Variants in RAB11FIP1 observed in about 807,000 individuals in gnomAD.
The protein encoded by RAB11FIP1 is RAB11 family interacting protein 1, also known as rab11 family-interacting protein 1.
RAB11FIP1 carries 49 observed loss-of-function variants against 83.1 expected under a neutral mutation model. The observed-to-expected ratio is 0.59, with a 90% CI of 0.47 to 0.75. The LOEUF (loss-of-function observed/expected upper bound fraction) is 0.75. RAB11FIP1 is among the 30% of genes least tolerant of loss of function. The pLI is 0.00. For missense variants in RAB11FIP1, 1,536 were observed against 1,598.7 expected (o/e 0.96, Z 0.67); for synonymous variants, 670 against 656.0 (o/e 1.02, Z -0.33).
chr8:37,878,670 T>A (rs1806671604), intron 1 of RAB11FIP1, among the ~76,000 whole-genome samples: 2 of 122,344 alleles, frequency 1.6e-5, no homozygotes, highest in African/African-American at 3.1e-5. Flanking sequence ...AGTAAAAAAA[T>A]AATAATAATA....
chr8:37,882,670 C>T (rs1165680846), intron 1 of RAB11FIP1, among the ~76,000 whole-genome samples: 1 of 152,170 alleles, frequency 6.6e-6, no homozygotes, highest in Non-Finnish European at 1.5e-5. Flanking sequence ...CAGACTTGCC[C>T]TGAATTCTTT....
rs1171433996 is a variant in RAB11FIP1 at position 37,872,381 on chromosome 8, C to T, written c.2421G>A (p.Lys807=). 6 of 1,614,214 alleles carry T rather than the reference C, an allele frequency of 3.7e-6. No individual in the cohort carries two copies. The Admixed American group carries it at 1.0e-4, about 27-fold the overall frequency. The part of the protein sequence containing the change: ...NLRKDQKKTK[K]RVSFSEQLFT... ...AGAGCTGCTCAGAAAATGACACACG[C>T]TTCTTGGTTTTCTTCTGGTCCTTGC... is the stretch of plus-strand genomic sequence containing the variant. Residue 807 remains lysine (K), a synonymous_variant, in exon 4 of 6, where the codon AAG becomes AAA. Coordinates refer to ENST00000330843, the MANE Select transcript of RAB11FIP1 (RefSeq NM_001002814.3).
Position 37,875,060 on chromosome 8 carries a change from C to G in RAB11FIP1, c.1077G>C (p.Glu359Asp). 9.9e-6 allele frequency: 16 copies of G among 1,614,170 alleles called. No homozygotes were observed. The highest frequency in any genetic ancestry group is 1.4e-5 in the Non-Finnish European group (16 of 1,180,042). ...FRKKHLFSSTENLAAGSWKEP... is the reference protein window; with the variant it reads ...FRKKHLFSSTDNLAAGSWKEP... ...CCTTCCAAGACCCAGCCGCCAGGTT[C>G]TCTGTAGAAGAGAACAAATGCTTCT... The change falls in exon 3 of 6, where the codon GAG becomes GAC. Residue 359 changes from glutamate to aspartate, a missense_variant. By Grantham distance (45) the Glu-to-Asp change is conservative. Coordinates refer to ENST00000330843, the MANE Select transcript of RAB11FIP1 (RefSeq NM_001002814.3).
At chr8:37,877,059 G>T (rs527359479) in intron 2 of RAB11FIP1, 50 bp downstream of exon 2, 5 of 1,304,338 alleles carry the variant, frequency 3.8e-6, no homozygotes, top group South Asian at 3.8e-5. Context: ...TCAGAACGAA[G>T]CATGGTAAGA....
chr8:37,898,461 T>C (rs998035402), intron 1 of RAB11FIP1, among the ~76,000 whole-genome samples: 1 of 151,890 alleles, frequency 6.6e-6, no homozygotes, highest in African/African-American at 2.4e-5. Flanking sequence ...AAGACCATCC[T>C]GGCCAATCTG....
At position 37,899,058 on chromosome 8, in the gene RAB11FIP1, C is replaced by T. The variant is rs1442783887; in HGVS notation, c.371+13G>A. On this transcript the variant is annotated intron_variant, in intron 1 of 5. Coordinates refer to ENST00000330843, the MANE Select transcript of RAB11FIP1 (RefSeq NM_001002814.3). This position sits in a 1 kb window ranked among gnomAD's most constrained non-coding sequence, Gnocchi z 4.5. ...CCCCCAGGCCGGGCCCTCCCCTCCC[C>T]GCCCGCACTCACTGCGTCTTCCTGC... 2 of 1,475,734 alleles carry T rather than the reference C, an allele frequency of 1.4e-6. No homozygotes were observed. The highest frequency in any genetic ancestry group is 1.8e-6 in the Non-Finnish European group (2 of 1,121,998). 91.4% of individuals were successfully genotyped at this position (1,475,734 alleles called of 1,614,324 possible).
Position 37,872,830 on chromosome 8 carries a change from G to A in RAB11FIP1, c.1972C>T (p.Gln658Ter). ...CCTTTATTTGCTGGAAAGGATGGCT[G>A]TTTGAAAAGTGATCCCAGGGCAGAA... Reference protein sequence around the residue: ...GSSALGSLFKQPSFPANKGTE... With the variant: ...GSSALGSLFK The change falls in exon 4 of 6, where the codon CAG (glutamine) becomes TAG (stop). Residue 658 changes from glutamine (Q) to a stop codon, truncating the protein, a stop_gained. Coordinates refer to ENST00000330843, the MANE Select transcript of RAB11FIP1 (RefSeq NM_001002814.3). LOFTEE classifies it high-confidence loss of function. 6.2e-7 allele frequency: 1 copy of A among 1,614,218 alleles called. No homozygotes were observed. Among genetic ancestry groups the A allele is most frequent in the Non-Finnish European group, 8.5e-7 (1 of 1,180,040 alleles).
chr8:37,895,240 TA>T, intron 1 of RAB11FIP1, among the ~76,000 whole-genome samples: 2 of 9,826 alleles, frequency 2.0e-4, no homozygotes, highest in Non-Finnish European at 3.9e-4. Context: ...TATATATATA[TA>T]TATATATATA....
chr8:37,876,266 AAAG>A (rs1563369888), intron 2 of RAB11FIP1, among the ~76,000 whole-genome samples: 3 of 127,548 alleles, frequency 2.4e-5, no homozygotes, highest in South Asian at 2.6e-4. Flanking sequence ...AGGAAGGAAG[AAAG>A]AAGGAAAGAA....
chr8:37,873,486 G>C (rs1419572570), intron 3 of RAB11FIP1, among the ~76,000 whole-genome samples: 1 of 152,026 alleles, frequency 6.6e-6, no homozygotes, highest in African/African-American at 2.4e-5. Context: ...TGCACCTGTA[G>C]TCCCAGCTAC....
chr8:37,881,811 G>A (rs1806737748), intron 1 of RAB11FIP1, among the ~76,000 whole-genome samples: 1 of 152,028 alleles, frequency 6.6e-6, no homozygotes, highest in Non-Finnish European at 1.5e-5. Context: ...GAAAATGCAA[G>A]GTCTTTATAG....
In RAB11FIP1 at chr8:37,872,564, T is replaced by C. The variant is rs138503161; in HGVS notation, c.2238A>G (p.Ala746=). Residue 746 remains alanine, a synonymous_variant, in exon 4 of 6, where the codon GCA becomes GCG. Transcript: ENST00000330843. ...GAVSPVGELA[A]GGDRDLESQA... Reference sequence around the variant, plus strand: ...GACTCTCCAAGTCTCTGTCTCCTCCTGCTGCAAGCTCCCCAACAGGGCTCA... The same window carrying C: ...GACTCTCCAAGTCTCTGTCTCCTCCCGCTGCAAGCTCCCCAACAGGGCTCA... 6.2e-7 allele frequency: 1 copy of C among 1,614,094 alleles called. No individual in the cohort carries two copies. The highest frequency in any genetic ancestry group is 1.3e-5 in the African/African-American group (1 of 74,950).
intron 2 of RAB11FIP1, among the ~76,000 whole-genome samples, chr8:37,876,352 G>C (rs1255833359): frequency 1.3e-5 from 2 of 152,052 alleles, no homozygotes; most frequent in Non-Finnish European, 2.9e-5. Context: ...AGAGCCCTTT[G>C]AGAGGCTGAG....
rs1389438603 is a variant in RAB11FIP1, at chr8:37,875,320, T to C, written c.817A>G (p.Met273Val). The C allele has an allele frequency of 5.6e-6, 9 of 1,607,084 alleles. No homozygotes were observed. The East Asian group carries it at 8.9e-5, about 16-fold the overall frequency. Residue 273 changes from methionine to valine, a missense_variant and splice_region_variant, in exon 3 of 6, where the codon ATG becomes GTG. Physicochemically the swap from Met to Val is conservative, Grantham distance 21. Transcript: ENST00000330843. ...GTACTCGCTGTTCTCTTGTGAGACATGACTTTGGGAAGAAAAAGAACAGAA... is the reference window on the plus strand; with the variant it reads ...GTACTCGCTGTTCTCTTGTGAGACACGACTTTGGGAAGAAAAAGAACAGAA... ...EDESSSASDVMSHKRTASTDL... is the reference protein window; with the variant it reads ...EDESSSASDVVSHKRTASTDL...
chr8:37,895,257 ATATTTTTTTTTTTTTTTTTTTT>A (rs1807059174), intron 1 of RAB11FIP1, among the ~76,000 whole-genome samples: 1 of 11,872 alleles, frequency 8.4e-5, no homozygotes, highest in African/African-American at 4.2e-4. Flanking sequence ...ATATATATAT[ATATTTTTTTTTTTTTTTTTTTT>A]TTTTTTTTTT....
chr8:37,878,838 A>G (rs1449268787), intron 1 of RAB11FIP1, among the ~76,000 whole-genome samples: 2 of 151,936 alleles, frequency 1.3e-5, no homozygotes, highest in Non-Finnish European at 2.9e-5. Context: ...CATCTCCATA[A>G]AAAATTAAAA....
At chr8:37,889,702 T>C (rs1267384392) in intron 1 of RAB11FIP1, among the ~76,000 whole-genome samples, 1 of 152,198 alleles carries the variant, frequency 6.6e-6, no homozygotes, top group Non-Finnish European at 1.5e-5. Context: ...CTTCTTGCCA[T>C]GAGAGTTTCT....
chr8:37,894,307 A>T (rs1287977827), intron 1 of RAB11FIP1, among the ~76,000 whole-genome samples: 1 of 151,448 alleles, frequency 6.6e-6, no homozygotes, highest in Admixed American at 6.6e-5. Context: ...TCTGCATCCA[A>T]CTCTCCCAGA....
In RAB11FIP1 at chr8:37,861,559, GT is replaced by G. The variant is rs780962572; in HGVS notation, c.*1335del. On this transcript the variant is annotated 3_prime_UTR_variant, in exon 6 of 6. Transcript: ENST00000330843. The stretch of plus-strand genomic sequence containing the variant: ...GAAGGGGCTTCTTTTTTTCTTTTTA[GT>G]TTTTTTTAAGACAGAGTCTTAAAAA... The G allele has an allele frequency of 3.4e-5, 15 of 439,714 alleles. No individual in the cohort carries two copies. Among genetic ancestry groups the G allele is most frequent in the African/African-American group, 1.2e-4 (6 of 48,014 alleles). The allele number at this position is 439,714 out of a possible 1,614,324, so 27.2% of individuals were successfully genotyped here.
Sources: gnomAD v4.1 joint callset for allele counts (sites outside exome capture counted in the v4.1 genomes callset) on GRCh38, gnomAD v4.1.1 for gene constraint, Gnocchi (gnomAD v3.1) non-coding constraint, MANE v1.5 for transcripts, NCBI Gene and HGNC (gene_info 2026-07-23, HGNC 2026-07-21) for gene names.